XRCC4: variants seen among roughly 807,000 people sequenced by gnomAD.
XRCC4 encodes the protein X-ray repair cross complementing 4, also known as DNA repair protein XRCC4.
In XRCC4, 28 loss-of-function variants were observed where a neutral mutation model predicts 39.1. That is an observed-to-expected ratio of 0.72 (90% CI 0.53 to 0.98). The LOEUF is 0.98. XRCC4 is among the 50% of genes least tolerant of loss of function. The pLI is 0.00. For missense variants in XRCC4, 350 were observed against 376.4 expected, an observed-to-expected ratio of 0.93 and a Z score of 0.58; for synonymous variants, 123 against 126.4, an observed-to-expected ratio of 0.97 and a Z score of 0.18.
chr5:83,178,786 T>A (rs1190003253), intron 3 of XRCC4, among the ~76,000 whole-genome samples: 1 of 152,188 alleles, frequency 6.6e-6, no homozygotes, highest in African/African-American at 2.4e-5. Context: ...GAGTTTTTGA[T>A]GTGGTTTTCA....
rs865871446 is a variant in XRCC4 at position 83,288,493 on chromosome 5, T to C, written c.893+29816T>C. 7.9e-5 allele frequency among the ~76,000 whole-genome samples: 12 copies of C among 152,086 alleles called. No homozygotes were observed. The South Asian group carries it at 1.0e-3, about 13-fold the overall frequency. On this transcript the variant is annotated intron_variant, in intron 7 of 7. Transcript: ENST00000396027. ...GATTATTATATGTTCTTGTCTATTA[T>C]GTCTTATTTGACTGAAAAAGTCTTT...
At chr5:83,242,044 G>A (rs536057565) in intron 6 of XRCC4, among the ~76,000 whole-genome samples, 1 of 150,220 alleles carries the variant, frequency 6.7e-6, no homozygotes, top group Non-Finnish European at 1.5e-5. Context: ...AGAGAAGGAA[G>A]GGGAAGCAGG....
intron 6 of XRCC4, among the ~76,000 whole-genome samples, chr5:83,234,286 A>T (rs559320075): frequency 1.3e-5 from 2 of 152,322 alleles, no homozygotes; most frequent in South Asian, 4.1e-4. Context: ...TTTGAAAGGA[A>T]TTATATAAGT....
At chr5:83,194,996 A>T (rs1458499147) in intron 3 of XRCC4, among the ~76,000 whole-genome samples, 1 of 151,780 alleles carries the variant, frequency 6.6e-6, no homozygotes, top group Non-Finnish European at 1.5e-5. Context: ...AATAATAATC[A>T]TCATAATTTG....
chr5:83,156,021 C>T (rs1748942686), intron 3 of XRCC4, among the ~76,000 whole-genome samples: 1 of 42,758 alleles, frequency 2.3e-5, no homozygotes, highest in Non-Finnish European at 4.9e-5. Flanking sequence ...ACCTCTCATC[C>T]CCTTTTTAAT....
chr5:83,149,817 T>TA (rs777513545), intron 3 of XRCC4, among the ~76,000 whole-genome samples: 28 of 152,116 alleles, frequency 1.8e-4, no homozygotes, highest in Non-Finnish European at 3.4e-4. Flanking sequence ...TATACTCTGT[T>TA]ACAACCCAGC....
At chr5:83,341,984 C>G (rs185098708) in intron 7 of XRCC4, among the ~76,000 whole-genome samples, 90 of 152,296 alleles carry the variant, frequency 5.9e-4, no homozygotes, top group African/African-American at 2.1e-3. Context: ...AAGCGGCAGT[C>G]AGCTCACAGA....
At chr5:83,234,678 G>C (rs1285421657) in intron 6 of XRCC4, among the ~76,000 whole-genome samples, 1 of 152,120 alleles carries the variant, frequency 6.6e-6, no homozygotes. Flanking sequence ...TCCAGCTTGA[G>C]ATAGAACATT....
At chr5:83,134,045 C>T (rs746699267) in intron 3 of XRCC4, among the ~76,000 whole-genome samples, 6 of 152,210 alleles carry the variant, frequency 3.9e-5, no homozygotes, top group African/African-American at 9.6e-5. Flanking sequence ...GCAGTCTTCA[C>T]GGCCGGCTAG....
chr5:83,121,532 T>G (rs1747008953), intron 3 of XRCC4, among the ~76,000 whole-genome samples: 1 of 152,208 alleles, frequency 6.6e-6, no homozygotes, highest in African/African-American at 2.4e-5. Flanking sequence ...CTAATGATAT[T>G]ATTTGCCATC....
At chr5:83,175,640 G>A (rs1209567985) in intron 3 of XRCC4, among the ~76,000 whole-genome samples, 1 of 151,004 alleles carries the variant, frequency 6.6e-6, no homozygotes, top group Non-Finnish European at 1.5e-5. Context: ...AGACATTCTT[G>A]GTCTGTCGCC....
chr5:83,113,862 G>A (rs572350353), intron 3 of XRCC4, among the ~76,000 whole-genome samples: 4 of 152,236 alleles, frequency 2.6e-5, no homozygotes, highest in South Asian at 2.1e-4. Context: ...TCCTGACCTC[G>A]TGATCCGCCC....
intron 3 of XRCC4, among the ~76,000 whole-genome samples, chr5:83,191,106 C>T (rs191714418): frequency 1.0e-3 from 154 of 152,188 alleles, no homozygotes; most frequent in African/African-American, 3.6e-3. Flanking sequence ...AAAAGAGGGT[C>T]CCAGATCTCA....
chr5:83,318,154 A>G (rs1017785026), intron 7 of XRCC4, among the ~76,000 whole-genome samples: 4 of 145,786 alleles, frequency 2.7e-5, no homozygotes, highest in African/African-American at 1.1e-4. Flanking sequence ...AAATTCAACA[A>G]CGCTTCATGC....
intron 3 of XRCC4, among the ~76,000 whole-genome samples, chr5:83,114,683 G>A (rs187301291): frequency 5.3e-5 from 8 of 152,288 alleles, no homozygotes; most frequent in Non-Finnish European, 1.0e-4. Context: ...TCTCTAGGAA[G>A]TTCCAAACTT....
At chr5:83,282,761 G>A (rs966319671) in intron 7 of XRCC4, among the ~76,000 whole-genome samples, 1 of 152,054 alleles carries the variant, frequency 6.6e-6, no homozygotes. Flanking sequence ...AGAATGGCAC[G>A]AACCCGGAAG....
intron 3 of XRCC4, among the ~76,000 whole-genome samples, chr5:83,129,566 C>A (rs1747455789): frequency 6.6e-6 from 1 of 151,952 alleles, no homozygotes; most frequent in Non-Finnish European, 1.5e-5. Context: ...TTACCTTGGG[C>A]AGTATGGCCA....
chr5:83,088,396 A>G (rs1387401813), intron 1 of XRCC4, among the ~76,000 whole-genome samples: 3 of 152,152 alleles, frequency 2.0e-5, no homozygotes, highest in African/African-American at 7.2e-5. Flanking sequence ...TTGAACACAA[A>G]GTTTGCACAT....
At chr5:83,278,919 C>G (rs1291769207) in intron 7 of XRCC4, among the ~76,000 whole-genome samples, 1 of 147,212 alleles carries the variant, frequency 6.8e-6, no homozygotes, top group Non-Finnish European at 1.5e-5. Flanking sequence ...ACCGAGGAGG[C>G]GGAGGTTGCA....
Sources: gnomAD v4.1 joint callset for allele counts (sites outside exome capture counted in the v4.1 genomes callset) on GRCh38, gnomAD v4.1.1 for gene constraint, MANE v1.5 for transcripts, NCBI Gene and HGNC (gene_info 2026-07-23, HGNC 2026-07-21) for gene names.